DPP10: variants seen among roughly 807,000 people sequenced by gnomAD.
DPP10 encodes the protein inactive dipeptidyl peptidase 10.
In DPP10, 33 loss-of-function variants were observed where a neutral mutation model predicts 120.9. The observed-to-expected ratio is 0.27, with a 90% CI of 0.21 to 0.37. The LOEUF is 0.37. Among genes scored for constraint, DPP10 ranks in the 10% least tolerant of loss-of-function variants. DPP10 has a pLI of 1.00. For synonymous variants in DPP10, 337 were observed against 326.1 expected (o/e 1.03, Z -0.36); for missense variants, 816 against 942.8 (o/e 0.87, Z 1.76).
At chr2:115,358,618 A>G (rs1416760245) in intron 3 of DPP10, among the ~76,000 whole-genome samples, 2 of 152,098 alleles carry the variant, frequency 1.3e-5, no homozygotes, top group African/African-American at 4.8e-5. Context: ...TTGCTTCCAC[A>G]TTTTGGGTAT....
intron 1 of DPP10, among the ~76,000 whole-genome samples, chr2:114,963,823 G>C (rs1198742661): frequency 6.6e-6 from 1 of 152,164 alleles, no homozygotes; most frequent in African/African-American, 2.4e-5. Context: ...AAGCCCAATA[G>C]CTAGATAAGA....
chr2:115,714,275 A>G (rs2092418669), intron 7 of DPP10, among the ~76,000 whole-genome samples: 2 of 152,174 alleles, frequency 1.3e-5, no homozygotes, highest in South Asian at 4.1e-4. Context: ...AGTAATGTTG[A>G]GATTGTTGCT....
At chr2:114,597,098 A>T (rs1410528101) in intron 1 of DPP10, among the ~76,000 whole-genome samples, 1 of 152,042 alleles carries the variant, frequency 6.6e-6, no homozygotes, top group East Asian at 1.9e-4. Flanking sequence ...AGAAAGACTT[A>T]GTACATTATG....
Position 115,843,956 on chromosome 2 carries a change from G to C in DPP10, c.*1611G>C, listed in dbSNP as rs1461404696. 6.6e-6 allele frequency: 1 copy of C among 152,502 alleles called. No homozygotes were observed. The highest frequency in any genetic ancestry group is 1.5e-5 in the Non-Finnish European group (1 of 67,980). 9.4% of individuals were successfully genotyped at this position (152,502 alleles called of 1,614,324 possible). On this transcript the variant is annotated 3_prime_UTR_variant, in exon 26 of 26. Transcript: ENST00000410059. ...CAGTCACCCTCCTGTTTTGTTGAAG[G>C]ATCAACCCCAAATTCTGGGTATTTG...
intron 1 of DPP10, among the ~76,000 whole-genome samples, chr2:114,801,514 C>T (rs1301755345): frequency 6.6e-6 from 1 of 152,074 alleles, no homozygotes; most frequent in Non-Finnish European, 1.5e-5. Flanking sequence ...CTGCCTGCAA[C>T]CTCTTTGTGT....
At chr2:114,711,877 C>T (rs969266012) in intron 1 of DPP10, among the ~76,000 whole-genome samples, 9 of 152,126 alleles carry the variant, frequency 5.9e-5, no homozygotes, top group Non-Finnish European at 1.0e-4. Flanking sequence ...TTCATGTATA[C>T]AAGACTGCTG....
At chr2:114,695,745 T>C (rs1158070440) in intron 1 of DPP10, among the ~76,000 whole-genome samples, 1 of 152,088 alleles carries the variant, frequency 6.6e-6, no homozygotes, top group Admixed American at 6.6e-5. Flanking sequence ...AATTCCATAA[T>C]TGCACAGGAG....
chr2:114,569,144 T>C (rs1229873702), intron 1 of DPP10, among the ~76,000 whole-genome samples: 3 of 152,210 alleles, frequency 2.0e-5, no homozygotes, highest in Admixed American at 6.5e-5. Flanking sequence ...CTGGTTTAGA[T>C]ATGCTGACTT....
At chr2:115,285,226 C>G (rs1365492552) in intron 1 of DPP10, among the ~76,000 whole-genome samples, 2 of 152,196 alleles carry the variant, frequency 1.3e-5, no homozygotes, top group South Asian at 4.1e-4. Context: ...TACTCCCTCT[C>G]TTTCTCACAT....
intron 3 of DPP10, among the ~76,000 whole-genome samples, chr2:115,497,244 A>G (rs1212502860): frequency 2.0e-5 from 3 of 151,976 alleles, no homozygotes; most frequent in Non-Finnish European, 2.9e-5. Flanking sequence ...GGTGGTTTCA[A>G]CCCCTGAACG....
Position 114,788,724 on chromosome 2 carries a change from T to C in DPP10, c.60+345886T>C, listed in dbSNP as rs572980445. ...AAGTAGTAATACTGGATATGATTGT[T>C]TTAATTTTGGCCGATCTTTTAGGTA... On this transcript the variant is annotated intron_variant, in intron 1 of 25. Transcript: ENST00000410059. Among the ~76,000 whole-genome samples the C allele has an allele frequency of 3.0e-4, 46 of 152,342 alleles. No individual in the cohort carries two copies. The South Asian group carries it at 9.5e-3, about 32-fold the overall frequency.
At chr2:114,801,111 A>C (rs2106280300) in intron 1 of DPP10, among the ~76,000 whole-genome samples, 1 of 151,928 alleles carries the variant, frequency 6.6e-6, no homozygotes, top group East Asian at 1.9e-4. Flanking sequence ...AAAATACAAA[A>C]AATTAGCCGG....
At chr2:114,453,066 A>C (rs563855911) in intron 1 of DPP10, among the ~76,000 whole-genome samples, 1 of 152,294 alleles carries the variant, frequency 6.6e-6, no homozygotes, top group South Asian at 2.1e-4. Context: ...AGGTGACACA[A>C]GTAAATATTG....
intron 5 of DPP10, among the ~76,000 whole-genome samples, chr2:115,688,369 T>A (rs917524756): frequency 1.3e-5 from 2 of 152,194 alleles, no homozygotes; most frequent in African/African-American, 4.8e-5. Context: ...AAATCATATT[T>A]AATTGAAGCT....
At chr2:115,789,541 T>C (rs1254672667) in intron 17 of DPP10, among the ~76,000 whole-genome samples, 1 of 152,204 alleles carries the variant, frequency 6.6e-6, no homozygotes, top group South Asian at 2.1e-4. Flanking sequence ...AGAATGATGC[T>C]CCTGCCTGAG....
intron 3 of DPP10, among the ~76,000 whole-genome samples, chr2:115,456,817 G>T (rs764429162): frequency 4.6e-5 from 7 of 152,038 alleles, no homozygotes; most frequent in Non-Finnish European, 8.8e-5. Flanking sequence ...GTCAGTGGGT[G>T]AGGAGCTAGG....
At chr2:115,170,140 T>A (rs1455968388) in intron 1 of DPP10, among the ~76,000 whole-genome samples, 4 of 152,192 alleles carry the variant, frequency 2.6e-5, no homozygotes, top group Non-Finnish European at 4.4e-5. Flanking sequence ...GGAACATGGG[T>A]TTACTTTTGG....
At chr2:115,379,231 C>A (rs994555610) in intron 3 of DPP10, among the ~76,000 whole-genome samples, 1 of 152,118 alleles carries the variant, frequency 6.6e-6, no homozygotes, top group Non-Finnish European at 1.5e-5. Context: ...AATTTCAGAT[C>A]CTGTTATTGG....
chr2:114,995,117 T>C (rs1468514524), intron 1 of DPP10, among the ~76,000 whole-genome samples: 6 of 152,212 alleles, frequency 3.9e-5, no homozygotes, highest in African/African-American at 1.4e-4. Context: ...TCTTGCCTTT[T>C]GCCATTGCCA....
Sources: allele counts gnomAD v4.1 joint callset (sites outside exome capture counted in the v4.1 genomes callset), GRCh38; gene constraint gnomAD v4.1.1; transcripts MANE v1.5; gene names NCBI Gene and HGNC (gene_info 2026-07-23, HGNC 2026-07-21).